Variants in ZNF831 observed in about 807,000 individuals in gnomAD.
ZNF831 encodes zinc finger protein 831.
ZNF831 carries 59 observed loss-of-function variants against 95.8 expected under a neutral mutation model. The ratio of observed to expected loss-of-function variants is 0.62; its 90% CI spans 0.50 to 0.77. ZNF831 has a LOEUF of 0.77. Ranked by LOEUF, ZNF831 falls within the 30% of genes least tolerant of loss-of-function variation. ZNF831 has a pLI of 0.00. For missense variants in ZNF831, 2,205 were observed against 2,164.0 expected (o/e 1.02, Z -0.38); for synonymous variants, 961 against 925.5 (o/e 1.04, Z -0.70).
chr20:59,231,955 A>C (rs549286790), intron 4 of ZNF831, among the ~76,000 whole-genome samples: 57 of 152,328 alleles, frequency 3.7e-4, no homozygotes, highest in African/African-American at 1.3e-3. Context: ...GGCGTGAGAG[A>C]TTGTCACCAC....
At chr20:59,207,262 G>A (rs140149964) in intron 4 of ZNF831, among the ~76,000 whole-genome samples, 5 of 152,202 alleles carry the variant, frequency 3.3e-5, no homozygotes, top group Non-Finnish European at 7.3e-5. Flanking sequence ...AGAAGACGGA[G>A]AATTCAATAT....
chr20:59,256,036 A>G lies in ZNF831; in HGVS notation c.*1293A>G, dbSNP rs1363935982. The G allele has an allele frequency of 6.6e-6, 1 of 152,192 alleles. No individual in the cohort carries two copies. Among genetic ancestry groups the G allele is most frequent in the East Asian group, 1.9e-4 (1 of 5,202 alleles). The allele number at this position is 152,192 out of a possible 1,614,324, so 9.4% of individuals were successfully genotyped here. On this transcript the variant is annotated 3_prime_UTR_variant, in exon 6 of 6. Coordinates refer to ENST00000371030, the MANE Select transcript of ZNF831 (RefSeq NM_178457.3). ...ATAAAATTTTATACTTGCTTTTGGT[A>G]TGATTTTGTACAATTTGAAATTTGT...
intron 1 of ZNF831, among the ~76,000 whole-genome samples, chr20:59,173,734 A>G (rs151008415): frequency 7.7e-4 from 117 of 152,268 alleles, no homozygotes; most frequent in African/African-American, 2.7e-3. Context: ...ATCATTAGGG[A>G]TCTCTTGGGA....
intron 1 of ZNF831, among the ~76,000 whole-genome samples, chr20:59,131,749 A>G (rs1323330592): frequency 3.3e-5 from 5 of 152,140 alleles, no homozygotes; most frequent in African/African-American, 1.2e-4. Context: ...GTGAAGCAGC[A>G]CCTGCAGGCA....
chr20:59,218,516 A>T (rs1434572691), intron 4 of ZNF831, among the ~76,000 whole-genome samples: 1 of 152,064 alleles, frequency 6.6e-6, no homozygotes, highest in Non-Finnish European at 1.5e-5. Context: ...GAGGCTCTGC[A>T]GGTGGGTGTG....
chr20:59,252,002 G>A (rs77873693), intron 4 of ZNF831, among the ~76,000 whole-genome samples: 34 of 152,262 alleles, frequency 2.2e-4, no homozygotes, highest in African/African-American at 7.2e-4. Flanking sequence ...GTGCTTGTGT[G>A]GGGGGTCATG....
At position 59,196,013 on chromosome 20, in the gene ZNF831, G is replaced by A. The variant is rs1031313720; in HGVS notation, c.3875+8G>A. On this transcript the variant is annotated splice_region_variant and intron_variant, in intron 3 of 5. Transcript: ENST00000371030. ...GAAGATCAACCCTAAAAGGTAGGAT[G>A]AGTGGCCACCTCTGTCATTTCCACA... The A allele has an allele frequency of 6.2e-7, 1 of 1,613,192 alleles. No homozygotes were observed. Among genetic ancestry groups the A allele is most frequent in the African/African-American group, 1.3e-5 (1 of 74,910 alleles).
intron 1 of ZNF831, among the ~76,000 whole-genome samples, chr20:59,189,435 G>C (rs1983330932): frequency 6.6e-6 from 1 of 152,138 alleles, no homozygotes; most frequent in Non-Finnish European, 1.5e-5. Context: ...TTAACAATCA[G>C]CTCTCTTGAG....
chr20:59,236,096 C>A (rs1270356248), intron 4 of ZNF831, among the ~76,000 whole-genome samples: 2 of 152,166 alleles, frequency 1.3e-5, no homozygotes, highest in Non-Finnish European at 2.9e-5. Flanking sequence ...TGTACTGTGG[C>A]CTCCCAAGTG....
At chr20:59,176,102 T>C (rs769588255) in intron 1 of ZNF831, among the ~76,000 whole-genome samples, 1 of 152,216 alleles carries the variant, frequency 6.6e-6, no homozygotes, top group Non-Finnish European at 1.5e-5. Context: ...ATTAACACAC[T>C]GTGGCACACC....
intron 1 of ZNF831, among the ~76,000 whole-genome samples, chr20:59,144,780 G>A (rs376061038): frequency 3.3e-5 from 5 of 152,324 alleles, no homozygotes; most frequent in South Asian, 4.1e-4. Flanking sequence ...ACATAAGTGC[G>A]TCTTTTCAGC....
In ZNF831 at chr20:59,193,403, TTCAGGAG is replaced by T; in HGVS notation, c.2385_2391del (p.Gln796ProfsTer9). On this transcript the variant is annotated frameshift_variant, in exon 2 of 6. Transcript: ENST00000371030. LOFTEE classifies it high-confidence loss of function. ...GGAGGTGCCCGAGGTGTGGGGGATG[TTCAGGAG>T]ACCTGCCTGTGGGCCCAGACTGTCC... is the stretch of plus-strand genomic sequence containing the variant. 4.4e-6 allele frequency: 7 copies of T among 1,600,612 alleles called. No individual in the cohort carries two copies. Among genetic ancestry groups the T allele is most frequent in the Non-Finnish European group, 6.0e-6 (7 of 1,173,734 alleles).
In ZNF831 at chr20:59,239,360, T is replaced by C. The variant is rs566959395; in HGVS notation, c.4028-13618T>C. ...ACCATTATGTTAGTTTACTGCATTA[T>C]CATTTAAGCTGTGTATTCTTTTGTG... On this transcript the variant is annotated intron_variant, in intron 4 of 5. Transcript: ENST00000371030. Among the ~76,000 whole-genome samples, 5 of 152,314 alleles carry C rather than the reference T, an allele frequency of 3.3e-5. No individual in the cohort carries two copies. In the South Asian group the frequency reaches 1.0e-3, roughly 32 times the overall value.
intron 4 of ZNF831, among the ~76,000 whole-genome samples, chr20:59,211,884 G>C (rs971771207): frequency 6.6e-6 from 1 of 152,022 alleles, no homozygotes. Context: ...CAATGATGGG[G>C]TAATCTGTTT....
rs780695314 is a variant in ZNF831 at position 59,193,163 on chromosome 20, C to A, written c.2144C>A (p.Ala715Asp). Residue 715 changes from alanine (A) to aspartate (D), a missense_variant, in exon 2 of 6, where the codon GCC becomes GAC. Physicochemically the swap from Ala to Asp is moderately radical, Grantham distance 126. Transcript: ENST00000371030. Reference sequence around the variant, plus strand: ...CCCACTAAGCATGGGGAGACGGTGGCCAGGAGAGGAGACAGTGACCGACCC... The same window carrying A: ...CCCACTAAGCATGGGGAGACGGTGGACAGGAGAGGAGACAGTGACCGACCC... ...TEPTKHGETV[A>D]RRGDSDRPRV... The A allele has an allele frequency of 6.4e-7, 1 of 1,574,568 alleles. No homozygotes were observed. Among genetic ancestry groups the A allele is most frequent in the Non-Finnish European group, 8.6e-7 (1 of 1,159,646 alleles).
intron 2 of ZNF831, chr20:59,147,170 G>T (rs1191681460): frequency 6.6e-6 from 1 of 152,264 alleles, no homozygotes; most frequent in Non-Finnish European, 1.5e-5. Flanking sequence ...TGTACATGTA[G>T]AAGAGAAGCA....
intron 4 of ZNF831, among the ~76,000 whole-genome samples, chr20:59,222,668 A>G (rs1441433037): frequency 2.0e-5 from 3 of 152,186 alleles, no homozygotes; most frequent in East Asian, 3.9e-4. Context: ...GCCGCCTTCC[A>G]AGCTCCGCGG....
chr20:59,167,220 T>G (rs1981344546), intron 1 of ZNF831, among the ~76,000 whole-genome samples: 1 of 152,274 alleles, frequency 6.6e-6, no homozygotes, highest in Non-Finnish European at 1.5e-5. Flanking sequence ...ATCTGCTGGC[T>G]GTATACCGTT....
intron 1 of ZNF831, among the ~76,000 whole-genome samples, chr20:59,142,537 C>T (rs557600852): frequency 1.3e-5 from 2 of 152,270 alleles, no homozygotes; most frequent in Middle Eastern, 3.4e-3. Flanking sequence ...CGTTAGGGTG[C>T]GCAGAACCTG....
Sources: gnomAD v4.1 joint callset for allele counts (sites outside exome capture counted in the v4.1 genomes callset) on GRCh38, gnomAD v4.1.1 for gene constraint, MANE v1.5 for transcripts, NCBI Gene and HGNC (gene_info 2026-07-23, HGNC 2026-07-21) for gene names.